The following FRMD5 variants were observed in gnomAD, a reference collection of about 807,000 sequenced individuals.
FRMD5 encodes the protein FERM domain containing 5, also known as FERM domain-containing protein 5.
In FRMD5, 20 loss-of-function variants were observed where a neutral mutation model predicts 69.0. The observed-to-expected ratio is 0.29, with a 90% CI of 0.20 to 0.42. The LOEUF is 0.42. Ranked by LOEUF, FRMD5 falls within the 10% of genes least tolerant of loss-of-function variation. The probability of loss-of-function intolerance (pLI) is 1.00; values close to 1 mark genes in which losing one functional copy is unlikely to be tolerated. For missense variants in FRMD5, 595 were observed against 708.6 expected, an observed-to-expected ratio of 0.84 and a Z score of 1.82; for synonymous variants, 271 against 260.1, an observed-to-expected ratio of 1.04 and a Z score of -0.40.
chr15:44,088,383 T>C (rs573402933), intron 1 of FRMD5, among the ~76,000 whole-genome samples: 2 of 152,284 alleles, frequency 1.3e-5, no homozygotes, highest in Admixed American at 1.3e-4. Flanking sequence ...ATTCTGAACA[T>C]TTAATATAAA....
chr15:44,022,139 T>A (rs7168522), intron 1 of FRMD5, among the ~76,000 whole-genome samples: 8,406 of 151,986 alleles, frequency 0.055, 692 homozygotes, highest in African/African-American at 0.17. Flanking sequence ...GAGGAGGGAG[T>A]AATAGTTTCT....
Position 43,919,680 on chromosome 15 carries a change from A to G in FRMD5, c.250+87T>C, listed in dbSNP as rs764753352. ...TACTCAGAACAGTGGGAAATTATAT[A>G]TGTAGATCAAAACTTGAGATAAGTG... On this transcript the variant is annotated intron_variant, in intron 3 of 13. Transcript: ENST00000417257. 156 of 1,457,454 alleles carry G rather than the reference A, an allele frequency of 1.1e-4. 1 individual carries two copies. In the Middle Eastern group the frequency reaches 1.7e-3, roughly 16 times the overall value. The allele number at this position is 1,457,454 out of a possible 1,614,324, so 90.3% of individuals were successfully genotyped here. A position where few individuals can be genotyped will look rare whatever the true frequency, so the allele number is the denominator to read the frequency against.
At chr15:44,016,490 AG>A (rs1215117486) in intron 1 of FRMD5, among the ~76,000 whole-genome samples, 1 of 152,164 alleles carries the variant, frequency 6.6e-6, no homozygotes, top group Non-Finnish European at 1.5e-5. Context: ...TGGGAGGCCG[AG>A]GCAGGTGGAT....
chr15:44,160,365 T>C (rs919518250), intron 1 of FRMD5, among the ~76,000 whole-genome samples: 24 of 151,832 alleles, frequency 1.6e-4, no homozygotes, highest in African/African-American at 5.8e-4. Context: ...AAAAAATAAA[T>C]AAATAAATAA....
chr15:43,927,393 C>A (rs865834371), intron 1 of FRMD5, among the ~76,000 whole-genome samples: 2 of 152,126 alleles, frequency 1.3e-5, no homozygotes, highest in African/African-American at 4.8e-5. Flanking sequence ...AAGAGTGACT[C>A]TCAGGACAGA....
intron 1 of FRMD5, among the ~76,000 whole-genome samples, chr15:44,183,548 G>A (rs1234679457): frequency 2.6e-5 from 4 of 152,142 alleles, no homozygotes; most frequent in Non-Finnish European, 5.9e-5. Context: ...AGTGCACTGT[G>A]GCAGAGTATT....
At chr15:43,977,409 G>T (rs2412848) in intron 1 of FRMD5, among the ~76,000 whole-genome samples, 14,956 of 152,110 alleles carry the variant, frequency 0.098, 1,296 homozygotes, top group African/African-American at 0.23. Flanking sequence ...AGGGATGTAG[G>T]TTCTCTTTGA....
intron 7 of FRMD5, among the ~76,000 whole-genome samples, chr15:43,893,014 G>C (rs539422991): frequency 4.6e-5 from 7 of 151,810 alleles, no homozygotes; most frequent in African/African-American, 1.7e-4. Context: ...TGAGACAGGA[G>C]AATTGCTTGA....
rs371795362 is a variant in FRMD5 at position 44,177,273 on chromosome 15, A to G, written c.102+17680T>C. Among the ~76,000 whole-genome samples the G allele has an allele frequency of 1.3e-4, 20 of 152,354 alleles. 1 individual carries two copies. In the East Asian group the frequency reaches 3.9e-3, roughly 29 times the overall value. On this transcript the variant is annotated intron_variant, in intron 1 of 13. Transcript: ENST00000417257. ...AACATGTCCACACAAAAACCTGTAC[A>G]TAAATGTTCATAGCATTATCCATAA...
chr15:44,180,260 T>C (rs535971501), intron 1 of FRMD5, among the ~76,000 whole-genome samples: 1 of 152,142 alleles, frequency 6.6e-6, no homozygotes, highest in Non-Finnish European at 1.5e-5. Context: ...AGAATGCATA[T>C]AAAGCACTTA....
chr15:44,048,801 A>G (rs1892538429), intron 1 of FRMD5, among the ~76,000 whole-genome samples: 1 of 152,078 alleles, frequency 6.6e-6, no homozygotes, highest in Non-Finnish European at 1.5e-5. Context: ...TTGAACTCCT[A>G]GCCTCAAGTA....
intron 1 of FRMD5, among the ~76,000 whole-genome samples, chr15:43,980,861 C>A (rs924397998): frequency 1.3e-5 from 2 of 152,112 alleles, no homozygotes; most frequent in Non-Finnish European, 2.9e-5. Context: ...GACCCTTGAA[C>A]AATGCAGGAG....
chr15:43,989,496 C>T (rs1271957607), intron 1 of FRMD5: 6 of 871,048 alleles, frequency 6.9e-6, no homozygotes, highest in Non-Finnish European at 1.2e-5. Context: ...CTGGAGGCCA[C>T]CATGGCCATC....
At chr15:44,118,763 G>A (rs1038312256) in intron 1 of FRMD5, among the ~76,000 whole-genome samples, 2 of 152,194 alleles carry the variant, frequency 1.3e-5, no homozygotes, top group African/African-American at 4.8e-5. Context: ...TATGGAATCT[G>A]TTCTCTAAGA....
intron 1 of FRMD5, among the ~76,000 whole-genome samples, chr15:44,185,784 C>A (rs2078089830): frequency 6.8e-6 from 1 of 147,370 alleles, no homozygotes; most frequent in African/African-American, 2.7e-5. Flanking sequence ...CAGAGTGAGA[C>A]TCTTATCTTA....
intron 1 of FRMD5, among the ~76,000 whole-genome samples, chr15:44,173,653 T>C (rs1595555310): frequency 6.6e-6 from 1 of 152,024 alleles, no homozygotes; most frequent in Non-Finnish European, 1.5e-5. Context: ...TGGGACTACA[T>C]GCATGTGCCA....
intron 1 of FRMD5, among the ~76,000 whole-genome samples, chr15:44,080,328 C>A (rs971143722): frequency 1.3e-5 from 2 of 151,938 alleles, no homozygotes; most frequent in Non-Finnish European, 2.9e-5. Flanking sequence ...GGATTATGTA[C>A]GTATATATAA....
intron 1 of FRMD5, among the ~76,000 whole-genome samples, chr15:44,176,922 C>T (rs1397136357): frequency 1.4e-5 from 2 of 139,156 alleles, no homozygotes; most frequent in African/African-American, 5.5e-5. Flanking sequence ...TACCCTAAAA[C>T]TTAAAGTATA....
chr15:43,945,645 T>C (rs1408385797), intron 1 of FRMD5, among the ~76,000 whole-genome samples: 1 of 152,188 alleles, frequency 6.6e-6, no homozygotes, highest in East Asian at 1.9e-4. Context: ...CACAACTGCA[T>C]GCATCCCACT....
Sources: allele counts gnomAD v4.1 joint callset (sites outside exome capture counted in the v4.1 genomes callset), GRCh38; gene constraint gnomAD v4.1.1; transcripts MANE v1.5; gene names NCBI Gene and HGNC (gene_info 2026-07-23, HGNC 2026-07-21).